The following B4GALT1 variants were observed in gnomAD, a reference collection of about 807,000 sequenced individuals.
B4GALT1 encodes the protein N-acetyllactosamine synthase.
B4GALT1 carries 16 observed loss-of-function variants against 34.9 expected under a neutral mutation model. The observed-to-expected ratio is 0.46, with a 90% CI of 0.31 to 0.70. B4GALT1 has a LOEUF of 0.70. B4GALT1 is among the 30% of genes least tolerant of loss of function. The pLI is 0.05. For synonymous variants in B4GALT1, 221 were observed against 218.1 expected, an observed-to-expected ratio of 1.01 and a Z score of -0.12; for missense variants, 445 against 530.5, an observed-to-expected ratio of 0.84 and a Z score of 1.58.
intron 5 of B4GALT1, 35 bp from the exon 6 acceptor site, chr9:33,113,621 A>G (rs1839896766): frequency 6.2e-7 from 1 of 1,613,894 alleles, no homozygotes; most frequent in African/African-American, 1.3e-5. Flanking sequence ...ATTGTCTTAA[A>G]ACAAAAATCT....
At chr9:33,113,651 G>T in intron 5 of B4GALT1, 65 bp from the exon 6 acceptor site, 1 of 1,610,282 alleles carries the variant, frequency 6.2e-7, no homozygotes, top group South Asian at 1.1e-5. Context: ...ATCATCACAC[G>T]TACTTCCTCC....
chr9:33,153,077 C>T (rs937307083), intron 1 of B4GALT1, among the ~76,000 whole-genome samples: 4 of 151,974 alleles, frequency 2.6e-5, no homozygotes, highest in Non-Finnish European at 4.4e-5. Context: ...CCAATAAACA[C>T]GTGAAAATTT....
intron 1 of B4GALT1, among the ~76,000 whole-genome samples, chr9:33,145,625 G>T (rs563345520): frequency 8.1e-5 from 12 of 147,652 alleles, no homozygotes; most frequent in African/African-American, 3.1e-4. Flanking sequence ...ACACAGGAAA[G>T]AAACTGAAGG....
intron 2 of B4GALT1, among the ~76,000 whole-genome samples, chr9:33,131,245 A>C (rs1840190222): frequency 6.6e-6 from 1 of 152,080 alleles, no homozygotes; most frequent in Admixed American, 6.5e-5. Context: ...CCGCAGCCCT[A>C]CTGTTGTCTA....
chr9:33,155,502 T>C (rs1346780077), intron 1 of B4GALT1, among the ~76,000 whole-genome samples: 1 of 152,220 alleles, frequency 6.6e-6, no homozygotes, highest in African/African-American at 2.4e-5. Flanking sequence ...CCCAGGATAC[T>C]GATGAACAAC....
At chr9:33,141,693 G>T (rs1033855988) in intron 1 of B4GALT1, among the ~76,000 whole-genome samples, 1 of 152,116 alleles carries the variant, frequency 6.6e-6, no homozygotes, top group African/African-American at 2.4e-5. Flanking sequence ...CCTCCATCAG[G>T]GCCCCTCAGT....
the B4GALT1 span, chr9:33,179,363 G>C: frequency 1.7e-4 from 26 of 152,196 alleles, no homozygotes; most frequent in Admixed American, 4.6e-4. Context: ...GACTTCATCA[G>C]ATTTCAGCAT....
chr9:33,104,866 G>A, intron 2 of B4GALT1: 1 of 423,628 alleles, frequency 2.4e-6, no homozygotes, highest in Admixed American at 2.7e-5. Flanking sequence ...TGCCCAGGCT[G>A]GAGTGCAGTG....
intron 1 of B4GALT1, among the ~76,000 whole-genome samples, chr9:33,152,330 A>G (rs1307793059): frequency 8.7e-6 from 1 of 115,360 alleles, no homozygotes; most frequent in Non-Finnish European, 1.8e-5. Flanking sequence ...ATAACATAAC[A>G]TAACATAACA....
the B4GALT1 span, among the ~76,000 whole-genome samples, chr9:33,182,282 A>T: frequency 2.0e-5 from 3 of 152,144 alleles, no homozygotes; most frequent in African/African-American, 7.2e-5. Flanking sequence ...CTCTCCTCTT[A>T]TAAGGAAACC....
chr9:33,146,974 T>C (rs1217205544), intron 1 of B4GALT1, among the ~76,000 whole-genome samples: 1 of 152,124 alleles, frequency 6.6e-6, no homozygotes, highest in Non-Finnish European at 1.5e-5. Context: ...GTGCTGGGAT[T>C]ACAGGCGAGA....
the B4GALT1 span, among the ~76,000 whole-genome samples, chr9:33,180,329 G>T: frequency 6.6e-6 from 1 of 152,130 alleles, no homozygotes; most frequent in Non-Finnish European, 1.5e-5. Context: ...TCCAGCCGGG[G>T]TCTAAGCAAC....
chr9:33,141,656 C>T (rs1382211354), intron 1 of B4GALT1, among the ~76,000 whole-genome samples: 1 of 152,156 alleles, frequency 6.6e-6, no homozygotes, highest in East Asian at 1.9e-4. Flanking sequence ...GGAAGAGAGT[C>T]AAGGAAAGCT....
intron 1 of B4GALT1, among the ~76,000 whole-genome samples, chr9:33,150,793 G>A (rs1264987997): frequency 6.6e-6 from 1 of 152,048 alleles, no homozygotes; most frequent in Non-Finnish European, 1.5e-5. Flanking sequence ...CTTCCATTTT[G>A]GCAAGAGCAA....
intron 1 of B4GALT1, among the ~76,000 whole-genome samples, chr9:33,161,021 TTCTC>T (rs35401344): frequency 2.9e-4 from 44 of 149,194 alleles, no homozygotes; most frequent in East Asian, 2.0e-3. Context: ...AGGCAAGTCA[TTCTC>T]TCTCTCTCTC....
chr9:33,171,637 G>A (rs537887174), upstream of B4GALT1, among the ~76,000 whole-genome samples: 20 of 151,858 alleles, frequency 1.3e-4, no homozygotes, highest in Admixed American at 3.9e-4. Flanking sequence ...TCACTATAAC[G>A]TCAAACTCCT....
intron 1 of B4GALT1, among the ~76,000 whole-genome samples, chr9:33,165,509 T>C (rs1039062018): frequency 3.3e-5 from 5 of 152,222 alleles, no homozygotes; most frequent in African/African-American, 9.7e-5. Flanking sequence ...GCCCCCATTA[T>C]TACCACAGTT....
rs897950332 is a variant in B4GALT1 at position 33,112,643 on chromosome 9, G to A, written c.*811C>T. Reference sequence around the variant, plus strand: ...CATGCCAAGAAAAATAAATTGTCATGACTTAACATTAAACAGCTATGCAAA... The same window carrying A: ...CATGCCAAGAAAAATAAATTGTCATAACTTAACATTAAACAGCTATGCAAA... On this transcript the variant is annotated 3_prime_UTR_variant, in exon 6 of 6. Transcript: ENST00000379731. The A allele has an allele frequency of 3.3e-5, 5 of 152,590 alleles. No homozygotes were observed. Among genetic ancestry groups the A allele is most frequent in the African/African-American group, 1.2e-4 (5 of 41,410 alleles). The allele number at this position is 152,590 out of a possible 1,614,324, so 9.5% of individuals were successfully genotyped here.
At position 33,135,307 on chromosome 9, in the gene B4GALT1, T is replaced by TTG. The variant is rs1233725707; in HGVS notation, c.528_529dup (p.Lys177ThrfsTer61). The TTG allele has an allele frequency of 1.2e-6, 2 of 1,614,062 alleles. No individual in the cohort carries two copies. The highest frequency in any genetic ancestry group is 2.7e-5 in the African/African-American group (2 of 74,916). On this transcript the variant is annotated frameshift_variant, in exon 2 of 6. Coordinates refer to ENST00000379731, the MANE Select transcript of B4GALT1 (RefSeq NM_001497.4). LOFTEE classifies it high-confidence loss of function. Reference sequence around the variant, plus strand: ...GCGGAATGGAATGATGATGGCCACCTTGTGAGGAGAGACGCAGTCCCTGGG... The same window carrying TTG: ...GCGGAATGGAATGATGATGGCCACCTTGTGTGAGGAGAGACGCAGTCCCTGGG...
Sources: allele counts gnomAD v4.1 joint callset (sites outside exome capture counted in the v4.1 genomes callset), GRCh38; gene constraint gnomAD v4.1.1; transcripts MANE v1.5; gene names NCBI Gene and HGNC (gene_info 2026-07-23, HGNC 2026-07-21).